Variants in GRAMD2B observed in about 807,000 individuals in gnomAD.
GRAMD2B encodes GRAM domain containing 2B, also known as GRAM domain-containing protein 2B.
Under a neutral mutation model 59.2 loss-of-function variants are expected in GRAMD2B, and 41 were observed. The observed-to-expected ratio is 0.69, with a 90% CI of 0.54 to 0.90. The LOEUF (loss-of-function observed/expected upper bound fraction) is 0.90, where lower values mean the gene tolerates loss of function less well. Among genes scored for constraint, GRAMD2B ranks in the 40% least tolerant of loss-of-function variants. GRAMD2B has a pLI of 0.00. For missense variants in GRAMD2B, 424 were observed against 500.5 expected (o/e 0.85, Z 1.46); for synonymous variants, 161 against 182.7 (o/e 0.88, Z 0.96).
chr5:126,453,754 A>G (rs914197612), intron 1 of GRAMD2B, among the ~76,000 whole-genome samples: 3 of 152,230 alleles, frequency 2.0e-5, no homozygotes, highest in Non-Finnish European at 2.9e-5. Flanking sequence ...TTTGCACACA[A>G]TGCCAATTCA....
chr5:126,402,931 G>T (rs1240379345), intron 1 of GRAMD2B, among the ~76,000 whole-genome samples: 1 of 151,886 alleles, frequency 6.6e-6, no homozygotes, highest in Non-Finnish European at 1.5e-5. Context: ...TTTTCCATAG[G>T]GGCTGAGATA....
chr5:126,483,368 T>C, intron 8 of GRAMD2B, 95 bp from the exon 9 acceptor site: 2 of 638,064 alleles, frequency 3.1e-6, no homozygotes, highest in Non-Finnish European at 5.5e-6. Context: ...CTATGTTTTA[T>C]AGGTCAGGCC....
At chr5:126,468,960 C>T (rs1769006826) in intron 2 of GRAMD2B, among the ~76,000 whole-genome samples, 1 of 152,154 alleles carries the variant, frequency 6.6e-6, no homozygotes, top group African/African-American at 2.4e-5. Flanking sequence ...GGCCCCAAGA[C>T]ATTTAATACA....
chr5:126,474,440 G>A (rs1040944228), intron 5 of GRAMD2B, among the ~76,000 whole-genome samples: 1 of 152,176 alleles, frequency 6.6e-6, no homozygotes, highest in African/African-American at 2.4e-5. Context: ...TTATCATATA[G>A]AGCTATGTTT....
At chr5:126,368,080 C>T (rs557092818), upstream of GRAMD2B, among the ~76,000 whole-genome samples, 3 of 152,260 alleles carry the variant, frequency 2.0e-5, no homozygotes, top group African/African-American at 7.2e-5. Flanking sequence ...TTTCTCAATT[C>T]CCATGGAAGG....
At chr5:126,385,560 C>G (rs1439827485) in intron 1 of GRAMD2B, among the ~76,000 whole-genome samples, 1 of 152,200 alleles carries the variant, frequency 6.6e-6, no homozygotes, top group Non-Finnish European at 1.5e-5. Context: ...ATGCCACACA[C>G]TTTCATATCT....
intron 1 of GRAMD2B, among the ~76,000 whole-genome samples, chr5:126,416,021 G>A (rs942133589): frequency 5.3e-5 from 8 of 152,186 alleles, no homozygotes; most frequent in African/African-American, 1.9e-4. Context: ...CATGGCAGGA[G>A]GAAAGAGAAA....
chr5:126,472,898 T>G (rs1171180190), intron 4 of GRAMD2B, among the ~76,000 whole-genome samples: 1 of 152,178 alleles, frequency 6.6e-6, no homozygotes, highest in Non-Finnish European at 1.5e-5. Context: ...AGTGAGGCCA[T>G]GTATTTTGAA....
chr5:126,476,134 G>A (rs1033070963), intron 5 of GRAMD2B, among the ~76,000 whole-genome samples: 1 of 151,780 alleles, frequency 6.6e-6, no homozygotes, highest in Non-Finnish European at 1.5e-5. Context: ...TTAGCTGGGT[G>A]TGGTGGCGCA....
At chr5:126,466,327 A>G (rs1299450592) in intron 2 of GRAMD2B, 1 of 1,389,046 alleles carries the variant, frequency 7.2e-7, no homozygotes. Flanking sequence ...TGCTTCATTC[A>G]GGACCAAGAG....
upstream of GRAMD2B, among the ~76,000 whole-genome samples, chr5:126,366,449 A>G (rs1451670798): frequency 6.6e-6 from 1 of 152,248 alleles, no homozygotes; most frequent in Admixed American, 6.5e-5. Flanking sequence ...GAGTGAAAGT[A>G]TGACCAACTC....
At position 126,439,609 on chromosome 5, in the gene GRAMD2B, G is replaced by A. The variant is rs188223487; in HGVS notation, c.83+15920G>A. On this transcript the variant is annotated intron_variant, in intron 1 of 13. Coordinates refer to ENST00000285689, the MANE Select transcript of GRAMD2B (RefSeq NM_023927.4). ...CCAAAGTGCTGGGATTACAGACACC[G>A]CACCTGGCCAAAATTGATTGTATTT... 1.2e-4 allele frequency among the ~76,000 whole-genome samples: 19 copies of A among 152,128 alleles called. No homozygotes were observed. The South Asian group carries it at 1.7e-3, about 13-fold the overall frequency.
At chr5:126,371,438 G>T in exon 1 of GRAMD2B, 2 of 1,286,628 alleles carry the variant, frequency 1.6e-6, no homozygotes, top group Non-Finnish European at 2.0e-6. Flanking sequence ...GTCAATAAGC[G>T]CACAATGGTG....
chr5:126,378,008 A>G (rs1280650775), intron 1 of GRAMD2B, among the ~76,000 whole-genome samples: 1 of 152,198 alleles, frequency 6.6e-6, no homozygotes, highest in African/African-American at 2.4e-5. Context: ...TAATATAATT[A>G]TACCAACCTT....
chr5:126,423,494 G>A lies in GRAMD2B; in HGVS notation c.-113G>A. On this transcript the variant is annotated 5_prime_UTR_variant, in exon 1 of 14. Coordinates refer to ENST00000285689, the MANE Select transcript of GRAMD2B (RefSeq NM_023927.4). Reference sequence around the variant, plus strand: ...TGGATGCGCTGGGCGGAGGGTGCAGGGGAGGGCACGGCGCCGCTTGCTTGG... The same window carrying A: ...TGGATGCGCTGGGCGGAGGGTGCAGAGGAGGGCACGGCGCCGCTTGCTTGG... The A allele has an allele frequency of 6.6e-7, 1 of 1,525,766 alleles. No individual in the cohort carries two copies. 94.5% of individuals were successfully genotyped at this position (1,525,766 alleles called of 1,614,324 possible).
chr5:126,457,065 G>A (rs111631140), intron 1 of GRAMD2B, among the ~76,000 whole-genome samples: 5,453 of 151,870 alleles, frequency 0.036, 121 homozygotes, highest in Middle Eastern at 0.048. Flanking sequence ...GGTGGCAGGC[G>A]CCTGTAGTCC....
At chr5:126,475,160 G>A (rs1447607561) in intron 5 of GRAMD2B, among the ~76,000 whole-genome samples, 4 of 152,022 alleles carry the variant, frequency 2.6e-5, no homozygotes, top group African/African-American at 7.3e-5. Context: ...AATTTAATCC[G>A]GACCTTTTTA....
chr5:126,444,334 T>C (rs1763824264), intron 1 of GRAMD2B, among the ~76,000 whole-genome samples: 1 of 152,212 alleles, frequency 6.6e-6, no homozygotes, highest in Non-Finnish European at 1.5e-5. Flanking sequence ...TTCCGTGCCC[T>C]CTCTAAGGTA....
chr5:126,444,943 C>T lies in GRAMD2B; in HGVS notation c.84-20483C>T, dbSNP rs117088516. On this transcript the variant is annotated intron_variant, in intron 1 of 13. Coordinates refer to ENST00000285689, the MANE Select transcript of GRAMD2B (RefSeq NM_023927.4). ...ACCTCCACTTAAGAGTGAGAACATA[C>T]GGTGTTTGATTTTCTTTTCCTGCAT... is the stretch of plus-strand genomic sequence containing the variant. Among the ~76,000 whole-genome samples the T allele has an allele frequency of 2.7e-4, 41 of 152,242 alleles. 1 individual carries two copies. In the East Asian group the frequency reaches 7.5e-3, roughly 28 times the overall value.
Sources: allele counts gnomAD v4.1 joint callset (sites outside exome capture counted in the v4.1 genomes callset), GRCh38; gene constraint gnomAD v4.1.1; transcripts MANE v1.5; gene names NCBI Gene and HGNC (gene_info 2026-07-23, HGNC 2026-07-21).